Variants in CSMD1 observed in about 807,000 individuals in gnomAD.
CSMD1 encodes the protein CUB and Sushi multiple domains 1, also known as CUB and sushi domain-containing protein 1.
A neutral mutation model predicts 417.5 loss-of-function variants in CSMD1; 213 were observed. That is an observed-to-expected ratio of 0.51 (90% CI 0.46 to 0.57). The LOEUF is 0.57. CSMD1 is among the 20% of genes least tolerant of loss of function. The pLI is 0.00. For missense variants in CSMD1, 6,923 were observed against 4,529.7 expected, an observed-to-expected ratio of 1.53 and a Z score of -15.17; for synonymous variants, 2,862 against 1,736.8, an observed-to-expected ratio of 1.65 and a Z score of -16.11.
chr8:3,757,238 G>C (rs1048294690), intron 5 of CSMD1, among the ~76,000 whole-genome samples: 6 of 152,090 alleles, frequency 3.9e-5, no homozygotes, highest in Non-Finnish European at 5.9e-5. Flanking sequence ...TGATAGTTTT[G>C]TGTCAGTCAA....
rs775689188 is a variant in CSMD1 at position 3,409,532 on chromosome 8, A to G, written c.1635T>C (p.His545=). Reference sequence around the variant, plus strand: ...GGCATTCAAAGGTGAGTGTATCTCCATGGAGGAAACTGCTGCCCGTCCGCT... The same window carrying G: ...GGCATTCAAAGGTGAGTGTATCTCCGTGGAGGAAACTGCTGCCCGTCCGCT... ...YGKRTGSSFL[H]GDTLTFECPA... The change falls in exon 13 of 70, where the codon CAT becomes CAC. Residue 545 remains histidine, a synonymous_variant. Transcript: ENST00000635120. 6.2e-7 allele frequency: 1 copy of G among 1,611,520 alleles called. No individual in the cohort carries two copies. Among genetic ancestry groups the G allele is most frequent in the East Asian group, 2.2e-5 (1 of 44,786 alleles).
At chr8:3,839,628 G>A (rs768453087) in intron 5 of CSMD1, among the ~76,000 whole-genome samples, 2 of 138,866 alleles carry the variant, frequency 1.4e-5, no homozygotes, top group Admixed American at 7.9e-5. Context: ...CTCCAGCCTG[G>A]GCAACAAGAG....
chr8:4,528,689 A>G (rs1796642295), intron 2 of CSMD1, among the ~76,000 whole-genome samples: 1 of 152,152 alleles, frequency 6.6e-6, no homozygotes, highest in Non-Finnish European at 1.5e-5. Flanking sequence ...AAACTCTCCA[A>G]TGTATATATT....
intron 2 of CSMD1, among the ~76,000 whole-genome samples, chr8:4,550,991 C>T (rs1797844945): frequency 6.6e-6 from 1 of 152,170 alleles, no homozygotes. Flanking sequence ...CAAACAAAGG[C>T]TGCCCAAATT....
At chr8:3,512,257 T>C (rs1797106013) in intron 10 of CSMD1, among the ~76,000 whole-genome samples, 3 of 152,216 alleles carry the variant, frequency 2.0e-5, no homozygotes, top group Non-Finnish European at 2.9e-5. Context: ...TGCATTCTCA[T>C]CTTCAGGGAT....
intron 7 of CSMD1, among the ~76,000 whole-genome samples, chr8:3,685,719 G>C (rs995827574): frequency 3.1e-5 from 4 of 128,604 alleles, no homozygotes; most frequent in Non-Finnish European, 6.7e-5. Context: ...GATCAGAAGG[G>C]TCAATTTCTT....
In CSMD1 at chr8:3,780,621, G is replaced by A. The variant is rs953429145; in HGVS notation, c.819-26579C>T. On this transcript the variant is annotated intron_variant, in intron 5 of 69. Transcript: ENST00000635120. ...AATTCACTACAACTGTCATCAAACTGGGCCTGCTCCCAGCTCCTGGGGTTG... is the reference window on the plus strand; with the variant it reads ...AATTCACTACAACTGTCATCAAACTAGGCCTGCTCCCAGCTCCTGGGGTTG... 6.6e-5 allele frequency among the ~76,000 whole-genome samples: 10 copies of A among 152,274 alleles called. No homozygotes were observed. The South Asian group carries it at 1.9e-3, about 28-fold the overall frequency.
chr8:3,307,896 C>A, intron 24 of CSMD1, 75 bp from the exon 25 acceptor site: 1 of 1,523,416 alleles, frequency 6.6e-7, no homozygotes, highest in Non-Finnish European at 8.9e-7. Context: ...TTTTCAAAAC[C>A]AAAGCCATTA....
At chr8:4,092,282 T>C (rs193019883) in intron 3 of CSMD1, among the ~76,000 whole-genome samples, 46 of 152,290 alleles carry the variant, frequency 3.0e-4, no homozygotes, top group Admixed American at 2.9e-3. Context: ...CAACTGAGTA[T>C]GGGAAACCCG....
chr8:3,608,111 T>C (rs1204336528), intron 8 of CSMD1, among the ~76,000 whole-genome samples: 1 of 149,800 alleles, frequency 6.7e-6, no homozygotes, highest in East Asian at 2.0e-4. Context: ...GGTGGAGAGG[T>C]TGCAGTGAGC....
At chr8:3,554,576 G>C (rs1799060532) in intron 10 of CSMD1, among the ~76,000 whole-genome samples, 1 of 152,198 alleles carries the variant, frequency 6.6e-6, no homozygotes, top group African/African-American at 2.4e-5. Context: ...AGAAGCTACA[G>C]CCCCTCTAAC....
In CSMD1 at chr8:4,873,686, C is replaced by T. The variant is rs140002450; in HGVS notation, c.85+120646G>A. On this transcript the variant is annotated intron_variant, in intron 1 of 69. Coordinates refer to ENST00000635120, the MANE Select transcript of CSMD1 (RefSeq NM_033225.6). ...ATTCAGTAAACACTTATTGATGATACAGTAGAGAACTAATCAAACTAAACC... is the reference window on the plus strand; with the variant it reads ...ATTCAGTAAACACTTATTGATGATATAGTAGAGAACTAATCAAACTAAACC... Among the ~76,000 whole-genome samples the T allele has an allele frequency of 5.3e-4, 81 of 152,194 alleles. 1 individual carries two copies. In the East Asian group the frequency reaches 0.015, roughly 28 times the overall value.
intron 1 of CSMD1, among the ~76,000 whole-genome samples, chr8:4,967,272 T>C (rs1372616751): frequency 2.0e-5 from 3 of 152,210 alleles, no homozygotes; most frequent in African/African-American, 7.2e-5. Flanking sequence ...TTATCAATTA[T>C]TCTCTTGTCT....
intron 3 of CSMD1, among the ~76,000 whole-genome samples, chr8:4,060,011 T>G (rs971613209): frequency 6.6e-6 from 1 of 152,136 alleles, no homozygotes; most frequent in Non-Finnish European, 1.5e-5. Context: ...TTTAGACCAA[T>G]ATCCTTGATG....
intron 3 of CSMD1, among the ~76,000 whole-genome samples, chr8:4,375,272 T>C (rs535076267): frequency 1.3e-5 from 2 of 152,162 alleles, no homozygotes; most frequent in South Asian, 4.2e-4. Context: ...TAAACAGACT[T>C]CAGGAAAAGA....
In CSMD1 at chr8:4,865,519, T is replaced by C. The variant is rs1802374498; in HGVS notation, c.85+128813A>G. ...GTACTTTAAACATGATGCAACAATA[T>C]ATTAGAAAATCACTTGGAGAAGAAT... On this transcript the variant is annotated intron_variant, in intron 1 of 69. Coordinates refer to ENST00000635120, the MANE Select transcript of CSMD1 (RefSeq NM_033225.6). Among the ~76,000 whole-genome samples the C allele has an allele frequency of 2.0e-5, 3 of 151,892 alleles. No homozygotes were observed. In the South Asian group the frequency reaches 6.2e-4, roughly 31 times the overall value.
rs66500235 is a variant in CSMD1, at chr8:3,643,700, C to CAAAAAAAAAAAAAAAAAA, written c.1010-26921_1010-26904dup. Among the ~76,000 whole-genome samples, 80 of 85,326 alleles carry CAAAAAAAAAAAAAAAAAA rather than the reference C, an allele frequency of 9.4e-4. 1 individual carries two copies. Among genetic ancestry groups the CAAAAAAAAAAAAAAAAAA allele is most frequent in the African/African-American group, 3.5e-3 (71 of 20,506 alleles). The allele number at this position is 85,326 out of a possible 152,430, so 56.0% of individuals were successfully genotyped here. Reference sequence around the variant, plus strand: ...TGGGCGACAGCGTGAGACTCCGTCTCAAAAAAAAAAAAAAAAAAAAAAGGA... The same window carrying CAAAAAAAAAAAAAAAAAA: ...TGGGCGACAGCGTGAGACTCCGTCTCAAAAAAAAAAAAAAAAAAAAAAAAAAAAAAAAAAAAAAAAGGA... On this transcript the variant is annotated intron_variant, in intron 7 of 69. Coordinates refer to ENST00000635120, the MANE Select transcript of CSMD1 (RefSeq NM_033225.6).
At chr8:4,864,095 T>C (rs1235687024) in intron 1 of CSMD1, among the ~76,000 whole-genome samples, 1 of 151,978 alleles carries the variant, frequency 6.6e-6, no homozygotes, top group Non-Finnish European at 1.5e-5. Context: ...TATAACTCAG[T>C]CTATAAAATT....
chr8:3,998,239 G>A (rs945684104), intron 4 of CSMD1, 129 bp from the exon 5 acceptor site: 28 of 270,840 alleles, frequency 1.0e-4, no homozygotes, highest in African/African-American at 6.4e-4. Context: ...CACTCAATCT[G>A]AAAAAGAATC....
Sources: gnomAD v4.1 joint callset for allele counts (sites outside exome capture counted in the v4.1 genomes callset) on GRCh38, gnomAD v4.1.1 for gene constraint, MANE v1.5 for transcripts, NCBI Gene and HGNC (gene_info 2026-07-23, HGNC 2026-07-21) for gene names.